Variants in TRMT44 observed in about 807,000 individuals in gnomAD.
TRMT44 encodes the protein probable tRNA (uracil-O(2)-)-methyltransferase.
Under a neutral mutation model 77.3 loss-of-function variants are expected in TRMT44, and 78 were observed. That is an observed-to-expected ratio of 1.01 (90% confidence interval 0.84 to 1.22). The LOEUF is 1.22. Among genes scored for constraint, TRMT44 ranks in the 50% most tolerant of loss-of-function variants. TRMT44 has a pLI of 0.00. For synonymous variants in TRMT44, 391 were observed against 383.3 expected (o/e 1.02, Z -0.23); for missense variants, 1,090 against 964.4 (o/e 1.13, Z -1.73).
At chr4:8,469,048 G>C (rs1726799553) in intron 9 of TRMT44, among the ~76,000 whole-genome samples, 2 of 152,226 alleles carry the variant, frequency 1.3e-5, no homozygotes, top group Non-Finnish European at 1.5e-5. Flanking sequence ...ACTTCTGCCT[G>C]GCTGCGCATT....
intron 10 of TRMT44, among the ~76,000 whole-genome samples, chr4:8,474,766 C>T (rs1192197755): frequency 6.6e-6 from 1 of 152,106 alleles, no homozygotes; most frequent in Non-Finnish European, 1.5e-5. Context: ...CCATGTTTCA[C>T]GGGGAGTTGT....
chr4:8,506,219 C>G, the TRMT44 span, among the ~76,000 whole-genome samples: 1 of 152,238 alleles, frequency 6.6e-6, no homozygotes, highest in African/African-American at 2.4e-5. Flanking sequence ...CTGGGGACCT[C>G]CTTGAGACCA....
At chr4:8,495,207 TG>T (rs1728116933), downstream of TRMT44, among the ~76,000 whole-genome samples, 1 of 152,268 alleles carries the variant, frequency 6.6e-6, no homozygotes. Context: ...CTCACAGTCC[TG>T]CTGCACTTGG....
intron 9 of TRMT44, 114 bp from the exon 10 acceptor site, chr4:8,470,970 G>C (rs1726949842): frequency 2.8e-6 from 2 of 703,110 alleles, no homozygotes; most frequent in African/African-American, 1.8e-5. Flanking sequence ...CTTCGTGCTG[G>C]AGTGCATAAC....
chr4:8,486,489 T>TATTTGG (rs1442158216), intron 2 of TRMT44, among the ~76,000 whole-genome samples: 2 of 152,200 alleles, frequency 1.3e-5, no homozygotes, highest in Non-Finnish European at 2.9e-5. Flanking sequence ...GGATTTTATT[T>TATTTGG]ATTTGGATTT....
intron 6 of TRMT44, among the ~76,000 whole-genome samples, chr4:8,460,735 G>A (rs1046438767): frequency 6.6e-6 from 1 of 152,156 alleles, no homozygotes; most frequent in Non-Finnish European, 1.5e-5. Context: ...TGTATTTTTA[G>A]TAGAGACGGG....
chr4:8,480,379 A>G (rs1339936146), downstream of TRMT44, among the ~76,000 whole-genome samples: 2 of 152,098 alleles, frequency 1.3e-5, no homozygotes, highest in Non-Finnish European at 2.9e-5. Flanking sequence ...CCCTTTTCCC[A>G]TGATGCTTTC....
chr4:8,489,978 A>G (rs1429540047), intron 2 of TRMT44, among the ~76,000 whole-genome samples: 2 of 152,184 alleles, frequency 1.3e-5, no homozygotes, highest in Non-Finnish European at 2.9e-5. Flanking sequence ...GTAGAATCCA[A>G]GATTGGCCTT....
At chr4:8,457,116 G>A (rs1267910546) in intron 6 of TRMT44, among the ~76,000 whole-genome samples, 1 of 150,190 alleles carries the variant, frequency 6.7e-6, no homozygotes, top group Non-Finnish European at 1.5e-5. Context: ...TAATGCAGAT[G>A]AAAGTACCCT....
intron 2 of TRMT44, among the ~76,000 whole-genome samples, chr4:8,481,657 T>A (rs1334277500): frequency 6.6e-6 from 1 of 152,218 alleles, no homozygotes; most frequent in Non-Finnish European, 1.5e-5. Flanking sequence ...GCTTTTCTCT[T>A]TATGCTTTTT....
At chr4:8,466,568 G>C (rs16842333) in intron 8 of TRMT44, among the ~76,000 whole-genome samples, 1 of 152,160 alleles carries the variant, frequency 6.6e-6, no homozygotes, top group Non-Finnish European at 1.5e-5. Flanking sequence ...CTTAGGACTC[G>C]CTGCTGAACC....
At chr4:8,462,859 C>A (rs1309067825) in intron 6 of TRMT44, among the ~76,000 whole-genome samples, 1 of 152,124 alleles carries the variant, frequency 6.6e-6, no homozygotes, top group African/African-American at 2.4e-5. Flanking sequence ...TTTAAAGAGA[C>A]AGATGGGCAA....
At chr4:8,460,403 C>T (rs1381274373) in intron 6 of TRMT44, among the ~76,000 whole-genome samples, 1 of 152,218 alleles carries the variant, frequency 6.6e-6, no homozygotes, top group Non-Finnish European at 1.5e-5. Context: ...TGCAGTCACC[C>T]AGCCAGCTGC....
downstream of TRMT44, chr4:8,479,344 A>G (rs1727540935): frequency 6.6e-6 from 1 of 151,898 alleles, no homozygotes; most frequent in African/African-American, 2.4e-5. Context: ...AACAGTGCAG[A>G]TGCATTCTGA....
chr4:8,514,185 T>G, the TRMT44 span, among the ~76,000 whole-genome samples: 1 of 151,070 alleles, frequency 6.6e-6, no homozygotes, highest in East Asian at 2.0e-4. Flanking sequence ...ACAGGGCACC[T>G]GGCACATATC....
At chr4:8,515,184 C>G in the TRMT44 span, among the ~76,000 whole-genome samples, 79 of 152,296 alleles carry the variant, frequency 5.2e-4, no homozygotes, top group Non-Finnish European at 1.0e-3. Context: ...CCAGGCTGGT[C>G]TCGAAATCCT....
rs576356134 is a variant in TRMT44, at chr4:8,472,335, CT to C, written c.2044+1136del. On this transcript the variant is annotated intron_variant, in intron 10 of 10. Coordinates refer to ENST00000389737, the MANE Select transcript of TRMT44 (RefSeq NM_152544.3). ...GGGTTGGGAGGAGTAAGAGTGGGAG[CT>C]GGTCGGGTTACAGCCGCCATGACCA... Among the ~76,000 whole-genome samples the C allele has an allele frequency of 1.4e-3, 206 of 152,260 alleles. 1 individual carries two copies. The highest frequency in any genetic ancestry group is 1.2e-3 in the Non-Finnish European group (85 of 68,014).
In TRMT44 at chr4:8,444,367, CA is replaced by C. The variant is rs1157435776; in HGVS notation, c.620-2108del. On this transcript the variant is annotated intron_variant, in intron 1 of 10. Coordinates refer to ENST00000389737, the MANE Select transcript of TRMT44 (RefSeq NM_152544.3). This position sits in a 1 kb window ranked among gnomAD's most constrained non-coding sequence, Gnocchi z 4.0. Reference sequence around the variant, plus strand: ...TAACACCTAGTATATGATAGTCTAACAGGGGGATTATAATGAATAATAACTT... The same window carrying C: ...TAACACCTAGTATATGATAGTCTAACGGGGGATTATAATGAATAATAACTT... 1.3e-5 allele frequency among the ~76,000 whole-genome samples: 2 copies of C among 150,380 alleles called. No individual in the cohort carries two copies. The highest frequency in any genetic ancestry group is 4.9e-5 in the African/African-American group (2 of 40,878).
chr4:8,441,013 G>A lies in TRMT44; in HGVS notation c.191G>A (p.Gly64Asp), dbSNP rs1220067855. 4.0e-6 allele frequency: 6 copies of A among 1,514,194 alleles called. No homozygotes were observed. The highest frequency in any genetic ancestry group is 2.5e-5 in the East Asian group (1 of 40,404). The allele number at this position is 1,514,194 out of a possible 1,614,324, so 93.8% of individuals were successfully genotyped here. A position where few individuals can be genotyped will look rare whatever the true frequency, so the allele number is the denominator to read the frequency against. Residue 64 changes from glycine (G) to aspartate (D), a missense_variant, in exon 1 of 11, where the codon GGC becomes GAC. Transcript: ENST00000389737. ...AEARGPGTSA[G>D]SEQKERGPGP... The stretch of plus-strand genomic sequence containing the variant: ...GCCCGCGGCCCCGGGACTAGCGCAG[G>A]CTCGGAGCAGAAGGAGCGGGGTCCG...
Sources: gnomAD v4.1 joint callset for allele counts (sites outside exome capture counted in the v4.1 genomes callset) on GRCh38, gnomAD v4.1.1 for gene constraint, Gnocchi (gnomAD v3.1) non-coding constraint, MANE v1.5 for transcripts, NCBI Gene and HGNC (gene_info 2026-07-23, HGNC 2026-07-21) for gene names.